Variants in VWA3B observed in about 807,000 individuals in gnomAD.
VWA3B encodes von Willebrand factor A domain-containing protein 3B.
In VWA3B, 138 loss-of-function variants were observed where a neutral mutation model predicts 158.3. The observed-to-expected ratio is 0.87, with a 90% CI of 0.76 to 1.00. The LOEUF is 1.00. Ranked by LOEUF, VWA3B falls within the 50% of genes least tolerant of loss-of-function variation. VWA3B has a pLI of 0.00. For synonymous variants in VWA3B, 596 were observed against 587.3 expected (o/e 1.01, Z -0.21); for missense variants, 1,555 against 1,565.1 (o/e 0.99, Z 0.11).
chr2:98,191,941 G>A (rs186474122), intron 10 of VWA3B, among the ~76,000 whole-genome samples: 1 of 152,106 alleles, frequency 6.6e-6, no homozygotes, highest in Non-Finnish European at 1.5e-5. Context: ...CACCCCCCAG[G>A]CTTTGCTTGC....
rs1317288854 is a variant in VWA3B, at chr2:98,115,675, C to T, written c.220C>T (p.Pro74Ser). ...AGATTATGTGGCGTCTCTGGGGAGA[C>T]CTGTGGCTTCTCGGTATGCTGATGG... ...CEDYVASLGR[P>S]VASRYADGLF... Residue 74 changes from proline to serine, a missense_variant, in exon 3 of 28, where the codon CCT becomes TCT. By Grantham distance (74) the Pro-to-Ser change is moderately conservative (BLOSUM62 -1). Transcript: ENST00000477737. 6 of 1,613,802 alleles carry T rather than the reference C, an allele frequency of 3.7e-6. No individual in the cohort carries two copies. The highest frequency in any genetic ancestry group is 5.1e-6 in the Non-Finnish European group (6 of 1,179,996).
chr2:98,328,334 AC>A, the VWA3B span, among the ~76,000 whole-genome samples: 9 of 152,330 alleles, frequency 5.9e-5, 1 homozygote, highest in South Asian at 1.9e-3. Context: ...TAAACATTGT[AC>A]TGAGCAAGGT....
chr2:98,318,631 T>G, the VWA3B span, among the ~76,000 whole-genome samples: 1 of 152,100 alleles, frequency 6.6e-6, no homozygotes, highest in Admixed American at 6.6e-5. Context: ...GATACTAAAC[T>G]TAATACCTGG....
chr2:98,181,320 C>G, intron 9 of VWA3B, 108 bp downstream of exon 9: 2 of 1,227,366 alleles, frequency 1.6e-6, no homozygotes, highest in Non-Finnish European at 2.3e-6. Flanking sequence ...GGGAGAGAAA[C>G]CAGCTTGGGT....
intron 5 of VWA3B, 116 bp downstream of exon 5, chr2:98,121,574 C>T: frequency 7.3e-7 from 1 of 1,375,762 alleles, no homozygotes; most frequent in East Asian, 2.4e-5. Flanking sequence ...CCAGCAGGAT[C>T]CGACAGAGAT....
At chr2:98,271,183 C>T (rs989743709) in intron 22 of VWA3B, among the ~76,000 whole-genome samples, 5 of 152,006 alleles carry the variant, frequency 3.3e-5, no homozygotes, top group Admixed American at 1.3e-4. Context: ...AAGAACTAGC[C>T]GCAGATCTAC....
chr2:98,203,199 C>G (rs1486888235), intron 12 of VWA3B, among the ~76,000 whole-genome samples: 1 of 152,190 alleles, frequency 6.6e-6, no homozygotes, highest in Non-Finnish European at 1.5e-5. Context: ...GCTATTCCTC[C>G]TCTATTGAAT....
chr2:98,109,045 T>C (rs1673922493), intron 2 of VWA3B, among the ~76,000 whole-genome samples: 1 of 150,548 alleles, frequency 6.6e-6, no homozygotes, highest in South Asian at 2.1e-4. Context: ...TAGGCTGTAA[T>C]GCAATGGCAC....
chr2:98,209,527 G>A (rs555916936), intron 12 of VWA3B, among the ~76,000 whole-genome samples: 2 of 152,170 alleles, frequency 1.3e-5, no homozygotes, highest in South Asian at 4.2e-4. Context: ...TGATCTGCTC[G>A]CCTCAGCCTC....
At chr2:98,327,512 A>G in the VWA3B span, among the ~76,000 whole-genome samples, 1 of 152,240 alleles carries the variant, frequency 6.6e-6, no homozygotes, top group African/African-American at 2.4e-5. Flanking sequence ...AAGAAATAAA[A>G]GACTGTTTTA....
At chr2:98,112,851 CTTTG>C (rs894992071) in intron 2 of VWA3B, among the ~76,000 whole-genome samples, 2 of 151,678 alleles carry the variant, frequency 1.3e-5, no homozygotes, top group African/African-American at 4.8e-5. Context: ...TTTTTTTTCT[CTTTG>C]TTTATCAGAT....
At chr2:98,151,564 G>A (rs908106502) in intron 7 of VWA3B, among the ~76,000 whole-genome samples, 8 of 152,210 alleles carry the variant, frequency 5.3e-5, no homozygotes, top group African/African-American at 1.9e-4. Context: ...CCACTCACAC[G>A]GAGGTGGGGA....
At chr2:98,293,236 C>A (rs958807532) in intron 23 of VWA3B, among the ~76,000 whole-genome samples, 1 of 152,156 alleles carries the variant, frequency 6.6e-6, no homozygotes, top group Non-Finnish European at 1.5e-5. Flanking sequence ...ACATACTATA[C>A]TCCCAACAGC....
At chr2:98,137,484 G>A (rs1404944148) in intron 7 of VWA3B, among the ~76,000 whole-genome samples, 1 of 152,164 alleles carries the variant, frequency 6.6e-6, no homozygotes, top group Non-Finnish European at 1.5e-5. Context: ...CCATGATGAT[G>A]AAAATATCAC....
chr2:98,244,594 C>T (rs4608580), intron 19 of VWA3B, among the ~76,000 whole-genome samples: 88,235 of 151,930 alleles, frequency 0.58, 26,066 homozygotes, highest in South Asian at 0.82. Context: ...TTTTGAATCT[C>T]AGCCGTTAAT....
intron 22 of VWA3B, among the ~76,000 whole-genome samples, chr2:98,278,845 T>G (rs577568108): frequency 3.3e-5 from 5 of 152,262 alleles, no homozygotes; most frequent in African/African-American, 1.2e-4. Context: ...GGGCCCTCAC[T>G]GGGGACTGCT....
Position 98,312,002 on chromosome 2 carries a change from G to T in VWA3B, c.3705G>T (p.Gly1235=), listed in dbSNP as rs1341212263. ...CCTCCCACGGCATCAGCTCCCATGG[G>T]TCCTGCCAGGGGACACACCCCGAGC... The part of the protein sequence containing the change: ...DGSSHGISSH[G]SCQGTHPEPR... The change falls in exon 27 of 28, where the codon GGG becomes GGT. Residue 1235 remains glycine, a synonymous_variant. Coordinates refer to ENST00000477737, the MANE Select transcript of VWA3B (RefSeq NM_144992.5). 1.9e-6 allele frequency: 3 copies of T among 1,602,276 alleles called. No homozygotes were observed. Among genetic ancestry groups the T allele is most frequent in the East Asian group, 4.5e-5 (2 of 44,342 alleles).
rs75019095 is a variant in VWA3B at position 98,238,668 on chromosome 2, T to A, written c.2673+1938T>A. Among the ~76,000 whole-genome samples the A allele has an allele frequency of 1.0e-2, 1,514 of 152,150 alleles. 29 individuals carry two copies. Among genetic ancestry groups the A allele is most frequent in the African/African-American group, 0.035 (1,432 of 41,488 alleles). ...GATTTATAGGCTGAGTAGGTAAAAA[T>A]GTTATTTTGCTTAAAAACATGTAAA... On this transcript the variant is annotated intron_variant, in intron 19 of 27. Coordinates refer to ENST00000477737, the MANE Select transcript of VWA3B (RefSeq NM_144992.5).
At chr2:98,313,561 C>G (rs760968980), downstream of VWA3B, among the ~76,000 whole-genome samples, 1 of 152,210 alleles carries the variant, frequency 6.6e-6, no homozygotes, top group African/African-American at 2.4e-5. Context: ...GTTTAGAAAC[C>G]ACCCAGTCAT....
Sources: gnomAD v4.1 joint callset for allele counts (sites outside exome capture counted in the v4.1 genomes callset) on GRCh38, gnomAD v4.1.1 for gene constraint, MANE v1.5 for transcripts, NCBI Gene and HGNC (gene_info 2026-07-23, HGNC 2026-07-21) for gene names.